The following MAST4 variants were observed in gnomAD, a reference collection of about 807,000 sequenced individuals.
MAST4 encodes the protein microtubule associated serine/threonine kinase family member 4, also known as microtubule-associated serine/threonine-protein kinase 4.
A neutral mutation model predicts 162.7 loss-of-function variants in MAST4; 89 were observed. The observed-to-expected ratio is 0.55, with a 90% CI of 0.46 to 0.65. MAST4 has a LOEUF of 0.65. Ranked by LOEUF, MAST4 falls within the 30% of genes least tolerant of loss-of-function variation. The pLI, the probability that MAST4 is intolerant of heterozygous loss-of-function variation, is 0.00. For synonymous variants in MAST4, 1,479 were observed against 1,361.1 expected, an observed-to-expected ratio of 1.09 and a Z score of -1.91; for missense variants, 3,153 against 3,374.0, an observed-to-expected ratio of 0.93 and a Z score of 1.62.
At chr5:66,898,191 G>T (rs1355651064) in intron 3 of MAST4, among the ~76,000 whole-genome samples, 1 of 152,112 alleles carries the variant, frequency 6.6e-6, no homozygotes, top group African/African-American at 2.4e-5. Context: ...GGTGTATTTT[G>T]TAATCTCAGC....
At chr5:66,992,337 A>G (rs563605596) in intron 4 of MAST4, among the ~76,000 whole-genome samples, 42 of 152,292 alleles carry the variant, frequency 2.8e-4, no homozygotes, top group Non-Finnish European at 5.1e-4. Context: ...TGTCCTTTTC[A>G]GTGTTTCGCA....
At chr5:66,879,309 G>GATAT (rs748056195) in intron 3 of MAST4, among the ~76,000 whole-genome samples, 1 of 146,790 alleles carries the variant, frequency 6.8e-6, no homozygotes, top group Non-Finnish European at 1.5e-5. Context: ...AAATTGTACT[G>GATAT]ATATATATAT....
intron 5 of MAST4, among the ~76,000 whole-genome samples, chr5:67,086,134 C>T (rs980238965): frequency 9.2e-5 from 14 of 152,160 alleles, no homozygotes; most frequent in South Asian, 2.1e-4. Context: ...AACAAAGATT[C>T]AAATGGGGGC....
intron 4 of MAST4, among the ~76,000 whole-genome samples, chr5:67,015,834 C>T (rs991644247): frequency 6.6e-5 from 10 of 152,242 alleles, no homozygotes; most frequent in African/African-American, 2.2e-4. Context: ...GACCCTTTTA[C>T]TGCTTTGGGA....
chr5:67,033,987 C>A (rs1430975683), intron 4 of MAST4, among the ~76,000 whole-genome samples: 1 of 152,146 alleles, frequency 6.6e-6, no homozygotes, highest in Non-Finnish European at 1.5e-5. Context: ...AGAAGCCCTT[C>A]ACAGCAGCTT....
chr5:66,883,900 G>A (rs1361873233), intron 3 of MAST4, among the ~76,000 whole-genome samples: 3 of 152,044 alleles, frequency 2.0e-5, no homozygotes, highest in African/African-American at 7.3e-5. Flanking sequence ...CTTGCTTTTA[G>A]TCTTTTTTTT....
chr5:66,635,972 T>TTTTTTTTTTTTTTTTTTTTTTTTTTC (rs1745090150), intron 1 of MAST4, among the ~76,000 whole-genome samples: 1 of 128,600 alleles, frequency 7.8e-6, no homozygotes, highest in South Asian at 2.6e-4. Context: ...TTTTTTTTTT[T>TTTTTTTTTTTTTTTTTTTTTTTTTTC]TTTCGAGACA....
Position 67,125,488 on chromosome 5 carries a change from T to A in MAST4, c.1745+4386T>A, listed in dbSNP as rs978277746. ...TCATTGTTCAACTTCTACTTACGAG[T>A]GAGAACATGTGGTATTTGGTTTTCT... is the stretch of plus-strand genomic sequence containing the variant. On this transcript the variant is annotated intron_variant, in intron 14 of 28. Coordinates refer to ENST00000403625, the MANE Select transcript of MAST4 (RefSeq NM_001164664.2). Among the ~76,000 whole-genome samples the A allele has an allele frequency of 3.8e-4, 57 of 151,972 alleles. 1 individual carries two copies. The highest frequency in any genetic ancestry group is 1.5e-4 in the Non-Finnish European group (10 of 68,000).
chr5:66,745,091 T>A (rs1752675477), intron 1 of MAST4, among the ~76,000 whole-genome samples: 1 of 152,146 alleles, frequency 6.6e-6, no homozygotes, highest in South Asian at 2.1e-4. Flanking sequence ...CAAGATCCTG[T>A]GAGTAGGATA....
intron 4 of MAST4, among the ~76,000 whole-genome samples, chr5:67,024,714 A>G (rs1018464546): frequency 6.6e-6 from 1 of 152,158 alleles, no homozygotes; most frequent in African/African-American, 2.4e-5. Context: ...AGGTCCACAC[A>G]TACCGATGAT....
At chr5:66,647,255 A>G (rs1172348301) in intron 1 of MAST4, among the ~76,000 whole-genome samples, 1 of 152,142 alleles carries the variant, frequency 6.6e-6, no homozygotes, top group Non-Finnish European at 1.5e-5. Flanking sequence ...TTCTTAAACA[A>G]ATCTTCAAAT....
At chr5:66,814,998 G>T (rs1285614104) in intron 3 of MAST4, among the ~76,000 whole-genome samples, 1 of 152,092 alleles carries the variant, frequency 6.6e-6, no homozygotes, top group Non-Finnish European at 1.5e-5. Flanking sequence ...TCTGAAAATG[G>T]TGCATACTTG....
rs1482277857 is a variant in MAST4 at position 67,160,461 on chromosome 5, G to C, written c.3654G>C (p.Gly1218=). ...CCACCTCATCTTTTCTTTAGAGTGGGAATAAGGTGTCAATCACTACTACCC... is the reference window on the plus strand; with the variant it reads ...CCACCTCATCTTTTCTTTAGAGTGGCAATAAGGTGTCAATCACTACTACCC... ...TEVIELLLKS[G]NKVSITTTPF... The change falls in exon 27 of 29, where the codon GGG becomes GGC. Residue 1218 remains glycine (G), a synonymous_variant. Coordinates refer to ENST00000403625, the MANE Select transcript of MAST4 (RefSeq NM_001164664.2). 1.2e-6 allele frequency: 2 copies of C among 1,608,856 alleles called. No homozygotes were observed. Among genetic ancestry groups the C allele is most frequent in the Admixed American group, 1.7e-5 (1 of 59,204 alleles).
intron 3 of MAST4, among the ~76,000 whole-genome samples, chr5:66,821,028 T>C (rs1394046705): frequency 1.3e-5 from 2 of 152,226 alleles, no homozygotes; most frequent in African/African-American, 4.8e-5. Context: ...GAAGGAAAAC[T>C]GAACACAGGA....
chr5:66,637,771 T>C (rs1473328181), intron 1 of MAST4, among the ~76,000 whole-genome samples: 1 of 152,128 alleles, frequency 6.6e-6, no homozygotes, highest in Admixed American at 6.5e-5. Flanking sequence ...AGTGGCGTGC[T>C]CACAGCTGAC....
intron 5 of MAST4, among the ~76,000 whole-genome samples, chr5:67,061,783 G>T (rs962616132): frequency 3.0e-4 from 45 of 148,866 alleles, no homozygotes; most frequent in African/African-American, 1.1e-3. Flanking sequence ...GTCAGTATAG[G>T]ATGATGGTTT....
At chr5:66,876,817 G>A (rs1761331849) in intron 3 of MAST4, among the ~76,000 whole-genome samples, 2 of 152,192 alleles carry the variant, frequency 1.3e-5, no homozygotes, top group African/African-American at 4.8e-5. Flanking sequence ...ACAGTTGTGG[G>A]TGGTTGGGTA....
chr5:66,845,126 T>TATATATATATATACACACACACAC (rs1358855625), intron 3 of MAST4, among the ~76,000 whole-genome samples: 2 of 67,172 alleles, frequency 3.0e-5, no homozygotes, highest in African/African-American at 1.1e-4. Flanking sequence ...TATATATATA[T>TATATATATATATACACACACACAC]ACACACACAC....
chr5:66,761,987 G>A (rs898908757), intron 2 of MAST4, among the ~76,000 whole-genome samples: 6 of 152,042 alleles, frequency 3.9e-5, no homozygotes, highest in Non-Finnish European at 7.4e-5. Flanking sequence ...TAGATAGGAG[G>A]GGCAGTAATT....
Sources: allele counts gnomAD v4.1 joint callset (sites outside exome capture counted in the v4.1 genomes callset), GRCh38; gene constraint gnomAD v4.1.1; transcripts MANE v1.5; gene names NCBI Gene and HGNC (gene_info 2026-07-23, HGNC 2026-07-21).